DOP1B: variants seen among roughly 807,000 people sequenced by gnomAD.
The protein encoded by DOP1B is DOP1 leucine zipper like protein B.
In DOP1B, 174 loss-of-function variants were observed where a neutral mutation model predicts 233.5. That is an observed-to-expected ratio of 0.75 (90% CI 0.66 to 0.85). The LOEUF is 0.85. Among genes scored for constraint, DOP1B ranks in the 40% least tolerant of loss-of-function variants. The pLI is 0.00. For synonymous variants in DOP1B, 1,190 were observed against 1,185.6 expected (o/e 1.00, Z -0.08); for missense variants, 2,652 against 2,846.6 (o/e 0.93, Z 1.56).
intron 35 of DOP1B, among the ~76,000 whole-genome samples, chr21:36,290,658 C>T (rs1379625332): frequency 4.6e-5 from 7 of 152,158 alleles, no homozygotes; most frequent in East Asian, 1.9e-4. Context: ...GGCATGGTGG[C>T]GTATGCCTGT....
At chr21:36,247,670 ATTG>A (rs1447219777) in intron 20 of DOP1B, 42 bp downstream of exon 20, 2 of 1,425,528 alleles carry the variant, frequency 1.4e-6, no homozygotes, top group Non-Finnish European at 1.9e-6. Flanking sequence ...ATTTTCATGT[ATTG>A]TTTTGTCTTT....
intron 8 of DOP1B, 47 bp from the exon 9 acceptor site, chr21:36,214,395 C>G: frequency 6.4e-7 from 1 of 1,559,534 alleles, no homozygotes. Flanking sequence ...TGTTGTTACA[C>G]TTTATGATAT....
chr21:36,229,521 C>G (rs1276640130), intron 13 of DOP1B, among the ~76,000 whole-genome samples: 2 of 152,092 alleles, frequency 1.3e-5, no homozygotes, highest in Non-Finnish European at 2.9e-5. Flanking sequence ...CTCTAATGAT[C>G]TCATCTTAAT....
At position 36,246,156 on chromosome 21, in the gene DOP1B, G is replaced by A. The variant is rs149443014; in HGVS notation, c.4176G>A (p.Ser1392=). Residue 1392 remains serine, a synonymous_variant, in exon 19 of 37, where the codon TCG becomes TCA. Transcript: ENST00000691173. The surrounding 1 kb of genome is among the most constrained non-coding windows in gnomAD (Gnocchi z 5.1). ...AGGAGTTTGTCCTGCTCTCCCTGTC[G>A]GCGTCCATGTACACGAGCCAGAAGC... ...KVQEFVLLSL[S]ASMYTSQKRY... is the part of the protein sequence containing the mutation. 7.4e-6 allele frequency: 12 copies of A among 1,613,702 alleles called. No individual in the cohort carries two copies. The highest frequency in any genetic ancestry group is 4.4e-5 in the South Asian group (4 of 91,080).
At chr21:36,270,295 G>A in intron 27 of DOP1B, 138 bp downstream of exon 27, 1 of 935,972 alleles carries the variant, frequency 1.1e-6, no homozygotes, top group Non-Finnish European at 1.6e-6. Flanking sequence ...GCTCACGCCT[G>A]TAATCCCAGC....
At chr21:36,169,973 T>C (rs894735926) in intron 2 of DOP1B, 12 of 764,540 alleles carry the variant, frequency 1.6e-5, no homozygotes, top group Admixed American at 1.5e-4. Flanking sequence ...ACCACCTCCT[T>C]CACTTTCACC....
chr21:36,233,621 G>T (rs574074660), intron 15 of DOP1B, among the ~76,000 whole-genome samples: 2 of 152,350 alleles, frequency 1.3e-5, no homozygotes, highest in South Asian at 2.1e-4. Flanking sequence ...CCGAAATGTC[G>T]TAGGTTTTCC....
chr21:36,256,934 A>G (rs1474714539), intron 23 of DOP1B, among the ~76,000 whole-genome samples: 1 of 152,048 alleles, frequency 6.6e-6, no homozygotes, highest in Non-Finnish European at 1.5e-5. Context: ...CTGCTTGGAG[A>G]TAGTGTCAGA....
At chr21:36,263,488 A>G in intron 24 of DOP1B, 58 bp from the exon 25 acceptor site, 2 of 1,449,816 alleles carry the variant, frequency 1.4e-6, no homozygotes, top group African/African-American at 1.4e-5. Context: ...ATGCTTATAA[A>G]TAAATGTATT....
At position 36,231,050 on chromosome 21, in the gene DOP1B, C is replaced by T; in HGVS notation, c.2266C>T (p.Leu756=). The change falls in exon 14 of 37, where the codon CTG becomes TTG. Residue 756 remains leucine, a synonymous_variant. Transcript: ENST00000691173. Reference sequence around the variant, plus strand: ...GGAGGCCTTTGCCGCCGCCTGCCACCTGCTGCTGGATTGTGCCACTTTCCC... The same window carrying T: ...GGAGGCCTTTGCCGCCGCCTGCCACTTGCTGCTGGATTGTGCCACTTTCCC... ...RREAFAAACH[L]LLDCATFPVY... 6.2e-7 allele frequency: 1 copy of T among 1,614,078 alleles called. No homozygotes were observed. The highest frequency in any genetic ancestry group is 8.5e-7 in the Non-Finnish European group (1 of 1,180,006).
chr21:36,218,516 C>G (rs975133271), intron 9 of DOP1B, among the ~76,000 whole-genome samples: 3 of 152,000 alleles, frequency 2.0e-5, no homozygotes, highest in Non-Finnish European at 2.9e-5. Context: ...GAGCAAGACT[C>G]TGTCTCCAAA....
intron 27 of DOP1B, 22 bp downstream of exon 27, chr21:36,270,179 G>C: frequency 6.2e-7 from 1 of 1,611,570 alleles, no homozygotes; most frequent in Non-Finnish European, 8.5e-7. Context: ...TGGGTTGGCT[G>C]ATAGTGCCTC....
intron 9 of DOP1B, 30 bp from the exon 10 acceptor site, chr21:36,219,342 T>C: frequency 6.2e-7 from 1 of 1,613,688 alleles, no homozygotes; most frequent in South Asian, 1.1e-5. Flanking sequence ...ATTGTTAATC[T>C]GTCTCTGACC....
chr21:36,178,610 C>T (rs145129312), intron 2 of DOP1B, among the ~76,000 whole-genome samples: 68 of 152,192 alleles, frequency 4.5e-4, no homozygotes, highest in African/African-American at 1.4e-3. Flanking sequence ...TTGTTTAAGC[C>T]GCCCACTCTG....
At chr21:36,159,302 T>C (rs984859124) in intron 1 of DOP1B, among the ~76,000 whole-genome samples, 1 of 151,458 alleles carries the variant, frequency 6.6e-6, no homozygotes, top group Admixed American at 6.6e-5. Context: ...AAATACAAAA[T>C]TAGCCGGGCG....
chr21:36,186,204 CA>C (rs397730267), intron 2 of DOP1B, among the ~76,000 whole-genome samples: 118 of 143,454 alleles, frequency 8.2e-4, no homozygotes, highest in African/African-American at 2.0e-3. Context: ...CTTCGTCTCA[CA>C]AAAAAAAAAA....
In DOP1B at chr21:36,281,589, C is replaced by T; in HGVS notation, c.6138C>T (p.His2046=). 1 of 1,598,566 alleles carries T rather than the reference C, an allele frequency of 6.3e-7. No individual in the cohort carries two copies. Among genetic ancestry groups the T allele is most frequent in the Non-Finnish European group, 8.6e-7 (1 of 1,167,238 alleles). The change falls in exon 32 of 37, where the codon CAC becomes CAT. Residue 2046 remains histidine (H), a synonymous_variant. Transcript: ENST00000691173. The part of the protein sequence containing the change: ...AVFSGELDQY[H]LYLPLIQERL... ...TCAGTGGAGAACTTGATCAATACCACCTTTACCTTCCACTGATACAAGGTA... is the reference window on the plus strand; with the variant it reads ...TCAGTGGAGAACTTGATCAATACCATCTTTACCTTCCACTGATACAAGGTA...
intron 12 of DOP1B, among the ~76,000 whole-genome samples, chr21:36,227,201 T>A (rs1025383120): frequency 3.6e-5 from 5 of 140,596 alleles, no homozygotes; most frequent in South Asian, 2.3e-4. Context: ...GAGTGAGACT[T>A]CATCTCAAAA....
At chr21:36,202,892 T>C (rs1250290471) in intron 4 of DOP1B, among the ~76,000 whole-genome samples, 1 of 152,310 alleles carries the variant, frequency 6.6e-6, no homozygotes, top group Admixed American at 6.5e-5. Context: ...GCCAATGGAC[T>C]CCTAATCCCA....
Sources: gnomAD v4.1 joint callset for allele counts (sites outside exome capture counted in the v4.1 genomes callset) on GRCh38, gnomAD v4.1.1 for gene constraint, Gnocchi (gnomAD v3.1) non-coding constraint, MANE v1.5 for transcripts, NCBI Gene and HGNC (gene_info 2026-07-23, HGNC 2026-07-21) for gene names.